Variants in MAT2A observed in about 807,000 individuals in gnomAD.
MAT2A encodes methionine adenosyltransferase 2A, also known as S-adenosylmethionine synthase isoform type-2.
MAT2A carries 3 observed loss-of-function variants against 43.9 expected under a neutral mutation model. That is an observed-to-expected ratio of 0.07 (90% CI 0.03 to 0.18). The LOEUF is 0.18. Among genes scored for constraint, MAT2A ranks in the 10% least tolerant of loss-of-function variants. MAT2A has a pLI of 1.00. For missense variants in MAT2A, 204 were observed against 489.0 expected (o/e 0.42, Z 5.50); for synonymous variants, 200 against 168.4 (o/e 1.19, Z -1.45).
intron 1 of MAT2A, 27 bp downstream of exon 1, chr2:85,539,405 T>TG: frequency 1.3e-6 from 2 of 1,571,788 alleles, no homozygotes; most frequent in Non-Finnish European, 8.7e-7. Flanking sequence ...AAGCGAAGCG[T>TG]GGGGCGGGGC....
In MAT2A at chr2:85,541,620, T is replaced by C; in HGVS notation, c.293-13T>C. 1 of 1,577,752 alleles carries C rather than the reference T, an allele frequency of 6.3e-7. No homozygotes were observed. The highest frequency in any genetic ancestry group is 8.6e-7 in the Non-Finnish European group (1 of 1,161,298). ...CTAGGACGTAAACAAGATGTTGTGT[T>C]TTTTGCTTATAGGTTTTGACTACAA... On this transcript the variant is annotated splice_polypyrimidine_tract_variant and intron_variant, in intron 3 of 8. Transcript: ENST00000306434.
At chr2:85,541,468 C>T in intron 3 of MAT2A, 91 bp downstream of exon 3, 4 of 1,480,310 alleles carry the variant, frequency 2.7e-6, no homozygotes, top group African/African-American at 2.8e-5. Flanking sequence ...TCCTAAACTC[C>T]AGTTGTATCT....
At position 85,542,140 on chromosome 2, in the gene MAT2A, T is replaced by A; in HGVS notation, c.550-15T>A. 6.2e-7 allele frequency: 1 copy of A among 1,606,218 alleles called. No individual in the cohort carries two copies. Among genetic ancestry groups the A allele is most frequent in the Non-Finnish European group, 8.5e-7 (1 of 1,172,934 alleles). On this transcript the variant is annotated splice_polypyrimidine_tract_variant and intron_variant, in intron 5 of 8. Coordinates refer to ENST00000306434, the MANE Select transcript of MAT2A (RefSeq NM_005911.6). ...TGTTTGGTGTGATGTTCTGATGACC[T>A]GTGTTGCCTTCAAGGTTACTGTGCA... is the stretch of plus-strand genomic sequence containing the variant.
In MAT2A at chr2:85,545,155, C is replaced by G. The variant is rs1276321340; in HGVS notation, c.*1383C>G. The G allele has an allele frequency of 6.6e-6, 1 of 152,604 alleles. No individual in the cohort carries two copies. Among genetic ancestry groups the G allele is most frequent in the Non-Finnish European group, 1.5e-5 (1 of 68,040 alleles). 9.5% of individuals were successfully genotyped at this position (152,604 alleles called of 1,614,324 possible). On this transcript the variant is annotated 3_prime_UTR_variant, in exon 9 of 9. Coordinates refer to ENST00000306434, the MANE Select transcript of MAT2A (RefSeq NM_005911.6). Reference sequence around the variant, plus strand: ...AGCCAGCTTGTTTACATGCTTATTCCATGACTGCTTGCCCTAAGCAGAAAG... The same window carrying G: ...AGCCAGCTTGTTTACATGCTTATTCGATGACTGCTTGCCCTAAGCAGAAAG...
chr2:85,541,030 T>C, intron 1 of MAT2A, 53 bp from the exon 2 acceptor site: 2 of 1,289,634 alleles, frequency 1.6e-6, no homozygotes, highest in African/African-American at 1.5e-5. Context: ...CATACATACA[T>C]ACATACTTTG....
chr2:85,539,583 C>T lies in MAT2A; in HGVS notation c.91+205C>T, dbSNP rs183993455. The stretch of plus-strand genomic sequence containing the variant: ...TCCTCTTCCCCCTCCCCTCTCCACC[C>T]TTCCCTTCCCCCCTCCCTTTTCATT... On this transcript the variant is annotated intron_variant, in intron 1 of 8. Transcript: ENST00000306434. The T allele has an allele frequency of 2.6e-5, 12 of 457,510 alleles. No homozygotes were observed. In the Middle Eastern group the frequency reaches 2.3e-3, roughly 89 times the overall value. The allele number at this position is 457,510 out of a possible 1,614,324, so 28.3% of individuals were successfully genotyped here. A position where few individuals can be genotyped will look rare whatever the true frequency, so the allele number is the denominator to read the frequency against.
rs1157180478 is a variant in MAT2A, at chr2:85,545,215, G to A, written c.*1443G>A. 2 of 152,558 alleles carry A rather than the reference G, an allele frequency of 1.3e-5. No individual in the cohort carries two copies. The highest frequency in any genetic ancestry group is 2.9e-5 in the Non-Finnish European group (2 of 68,020). 9.5% of individuals were successfully genotyped at this position (152,558 alleles called of 1,614,324 possible). ...GGATCTATTTTTGGAGGTTTATTAC[G>A]TATGTCTGGTTCTCAATTCCAACAG... On this transcript the variant is annotated 3_prime_UTR_variant, in exon 9 of 9. Transcript: ENST00000306434.
Position 85,543,782 on chromosome 2 carries a change from C to G in MAT2A, c.*10C>G, listed in dbSNP as rs1412686279. On this transcript the variant is annotated 3_prime_UTR_variant, in exon 9 of 9. Coordinates refer to ENST00000306434, the MANE Select transcript of MAT2A (RefSeq NM_005911.6). ...AAAGCTTAAATATTGAAAGTGTTAGCCTTTTTTCCCCAGACTTGTTGGCGT... is the reference window on the plus strand; with the variant it reads ...AAAGCTTAAATATTGAAAGTGTTAGGCTTTTTTCCCCAGACTTGTTGGCGT... The G allele has an allele frequency of 6.4e-6, 10 of 1,567,982 alleles. No individual in the cohort carries two copies. The highest frequency in any genetic ancestry group is 1.1e-5 in the South Asian group (1 of 87,180).
At chr2:85,540,422 G>A (rs1257977112) in intron 1 of MAT2A, among the ~76,000 whole-genome samples, 1 of 152,198 alleles carries the variant, frequency 6.6e-6, no homozygotes, top group African/African-American at 2.4e-5. Context: ...CTGAAGGTTA[G>A]CTGTTACACC....
intron 5 of MAT2A, 48 bp from the exon 6 acceptor site, chr2:85,542,107 A>G (rs1157170442): frequency 6.3e-7 from 1 of 1,577,052 alleles, no homozygotes; most frequent in Non-Finnish European, 8.7e-7. Context: ...AAACAAATAC[A>G]AAGTTATTGT....
chr2:85,541,259 T>C lies in MAT2A; in HGVS notation c.174T>C (p.Thr58=). The part of the protein sequence containing the change: ...QDPDAKVACE[T]VAKTGMILLA... ...TTGAATGTCTCTTTTTATTAGAAAC[T>C]GTTGCTAAAACTGGAATGATCCTTC... is the stretch of plus-strand genomic sequence containing the variant. Residue 58 remains threonine, a synonymous_variant, in exon 3 of 9, where the codon ACT becomes ACC. Coordinates refer to ENST00000306434, the MANE Select transcript of MAT2A (RefSeq NM_005911.6). 6.2e-7 allele frequency: 1 copy of C among 1,613,860 alleles called. No homozygotes were observed. Among genetic ancestry groups the C allele is most frequent in the Non-Finnish European group, 8.5e-7 (1 of 1,179,918 alleles).
At position 85,545,043 on chromosome 2, in the gene MAT2A, G is replaced by A. The variant is rs1691589621; in HGVS notation, c.*1271G>A. On this transcript the variant is annotated 3_prime_UTR_variant, in exon 9 of 9. Coordinates refer to ENST00000306434, the MANE Select transcript of MAT2A (RefSeq NM_005911.6). Reference sequence around the variant, plus strand: ...GAAAAACCTTGGGTTAGACCTACAGGGGGTCTGGCTGGTGTTAACAGAAGG... The same window carrying A: ...GAAAAACCTTGGGTTAGACCTACAGAGGGTCTGGCTGGTGTTAACAGAAGG... 1 of 152,470 alleles carries A rather than the reference G, an allele frequency of 6.6e-6. No homozygotes were observed. The highest frequency in any genetic ancestry group is 6.6e-5 in the Admixed American group (1 of 15,252). The allele number at this position is 152,470 out of a possible 1,614,324, so 9.4% of individuals were successfully genotyped here.
At position 85,544,862 on chromosome 2, in the gene MAT2A, A is replaced by C. The variant is rs1205363146; in HGVS notation, c.*1090A>C. ...ATCCCTTCATACTTGAACGTTTTCT[A>C]ATTGCTTATTTATTGTATTCTGGGG... is the stretch of plus-strand genomic sequence containing the variant. On this transcript the variant is annotated 3_prime_UTR_variant, in exon 9 of 9. Transcript: ENST00000306434. 4 of 152,550 alleles carry C rather than the reference A, an allele frequency of 2.6e-5. No individual in the cohort carries two copies. 9.4% of individuals were successfully genotyped at this position (152,550 alleles called of 1,614,324 possible).
chr2:85,543,185 G>C (rs1000718818), intron 8 of MAT2A, 151 bp downstream of exon 8: 61 of 832,172 alleles, frequency 7.3e-5, no homozygotes, highest in Non-Finnish European at 1.1e-4. Flanking sequence ...TGCTGCCTTA[G>C]TGAAGACTTA....
In MAT2A at chr2:85,539,389, G is replaced by A. The variant is rs1454504935; in HGVS notation, c.91+11G>A. ...GGGAAGGCCACCCAGGTGAGGGGAC[G>A]GCCTGAAGCGAAGCGTGGGGCGGGG... On this transcript the variant is annotated intron_variant, in intron 1 of 8. Transcript: ENST00000306434. 1.9e-6 allele frequency: 3 copies of A among 1,592,496 alleles called. No homozygotes were observed. The highest frequency in any genetic ancestry group is 3.5e-5 in the Admixed American group (2 of 57,626).
chr2:85,541,457 A>T, intron 3 of MAT2A, 80 bp downstream of exon 3: 1 of 1,524,172 alleles, frequency 6.6e-7, no homozygotes, highest in Non-Finnish European at 8.9e-7. Context: ...GTTCCTGCTA[A>T]TCCTAAACTC....
Position 85,545,086 on chromosome 2 carries a change from G to A in MAT2A, c.*1314G>A, listed in dbSNP as rs867667606. ...ACAGAAGGGAGGGCAGAGCTGGTGCGGCTGGCCATGGAGAAAGCTGACTTG... is the reference window on the plus strand; with the variant it reads ...ACAGAAGGGAGGGCAGAGCTGGTGCAGCTGGCCATGGAGAAAGCTGACTTG... On this transcript the variant is annotated 3_prime_UTR_variant, in exon 9 of 9. Coordinates refer to ENST00000306434, the MANE Select transcript of MAT2A (RefSeq NM_005911.6). The A allele has an allele frequency of 2.6e-5, 4 of 152,628 alleles. No individual in the cohort carries two copies. The highest frequency in any genetic ancestry group is 4.4e-5 in the Non-Finnish European group (3 of 68,098). 9.5% of individuals were successfully genotyped at this position (152,628 alleles called of 1,614,324 possible).
rs764564641 is a variant in MAT2A at position 85,541,350 on chromosome 2, C to G, written c.265C>G (p.His89Asp). The change falls in exon 3 of 9, where the codon CAC (histidine) becomes GAC (aspartate). Residue 89 changes from histidine (H) to aspartate (D), a missense_variant. His to Asp is a moderately conservative substitution (Grantham distance 81). Transcript: ENST00000306434. ...GAAAGTGGTTCGTGAAGCTGTTAAA[C>G]ACATTGGATATGATGATTCTTCCAA... ...YQKVVREAVK[H>D]IGYDDSSKGF... The G allele has an allele frequency of 6.2e-7, 1 of 1,613,728 alleles. No homozygotes were observed. The highest frequency in any genetic ancestry group is 8.5e-7 in the Non-Finnish European group (1 of 1,179,980).
At chr2:85,541,400 ATTT>A in intron 3 of MAT2A, 23 bp downstream of exon 3, 1 of 1,604,776 alleles carries the variant, frequency 6.2e-7, no homozygotes, top group Non-Finnish European at 8.5e-7. Flanking sequence ...GATTTTGCTC[ATTT>A]TTTTCTAGGT....
Sources: gnomAD v4.1 joint callset for allele counts (sites outside exome capture counted in the v4.1 genomes callset) on GRCh38, gnomAD v4.1.1 for gene constraint, MANE v1.5 for transcripts, NCBI Gene and HGNC (gene_info 2026-07-23, HGNC 2026-07-21) for gene names.